The following CNTRL variants were observed in gnomAD, a reference collection of about 807,000 sequenced individuals.
CNTRL encodes the protein 110 kDa centrosomal protein.
Under a neutral mutation model 303.7 loss-of-function variants are expected in CNTRL, and 233 were observed. The observed-to-expected ratio is 0.77, with a 90% CI of 0.69 to 0.86. The LOEUF (loss-of-function observed/expected upper bound fraction) is 0.86. CNTRL is among the 40% of genes least tolerant of loss of function. The probability of loss-of-function intolerance (pLI) is 0.00; values close to 1 mark genes in which losing one functional copy is unlikely to be tolerated. For missense variants in CNTRL, 2,524 were observed against 2,650.6 expected (o/e 0.95, Z 1.05); for synonymous variants, 900 against 922.2 (o/e 0.98, Z 0.44).
intron 37 of CNTRL, 152 bp from the exon 38 acceptor site, chr9:121,167,944 C>G (rs1014455190): frequency 1.4e-6 from 1 of 727,952 alleles, no homozygotes; most frequent in Non-Finnish European, 2.2e-6. Flanking sequence ...GGCCAGATAG[C>G]TTCCCAAGCC....
chr9:121,111,005 G>C (rs1406043014), intron 8 of CNTRL: 1 of 152,110 alleles, frequency 6.6e-6, no homozygotes. Context: ...TGTATTCTCT[G>C]TGATTCCAGT....
At chr9:121,075,938 T>C (rs1351875039) in intron 1 of CNTRL, among the ~76,000 whole-genome samples, 1 of 152,202 alleles carries the variant, frequency 6.6e-6, no homozygotes, top group Non-Finnish European at 1.5e-5. Context: ...AGCTTTTAAC[T>C]GTTCAGGTAC....
chr9:121,112,111 G>A (rs749877690), intron 8 of CNTRL, among the ~76,000 whole-genome samples: 6 of 152,052 alleles, frequency 3.9e-5, no homozygotes, highest in Admixed American at 6.6e-5. Flanking sequence ...CTAATTATTG[G>A]AAAATCAGGA....
At chr9:121,173,190 CAAGT>C in intron 40 of CNTRL, 49 bp from the exon 41 acceptor site, 3 of 1,510,768 alleles carry the variant, frequency 2.0e-6, no homozygotes, top group Non-Finnish European at 2.7e-6. Context: ...AGCTCAATTC[CAAGT>C]AAGTCTGAAA....
intron 38 of CNTRL, among the ~76,000 whole-genome samples, chr9:121,168,674 A>G (rs950338509): frequency 1.3e-5 from 2 of 152,238 alleles, no homozygotes; most frequent in Non-Finnish European, 2.9e-5. Context: ...AAAAAATCAT[A>G]TTAACAGTTC....
At chr9:121,095,163 T>C in intron 5 of CNTRL, 145 bp downstream of exon 5, 1 of 630,990 alleles carries the variant, frequency 1.6e-6, no homozygotes, top group Non-Finnish European at 2.6e-6. Context: ...TGAATGTCTG[T>C]CTCTTCACAT....
Position 121,155,042 on chromosome 9 carries a change from G to A in CNTRL, c.4365+129G>A, listed in dbSNP as rs1317500155. The A allele has an allele frequency of 9.2e-6, 7 of 763,846 alleles. No homozygotes were observed. In the East Asian group the frequency reaches 1.8e-4, roughly 20 times the overall value. The allele number at this position is 763,846 out of a possible 1,614,324, so 47.3% of individuals were successfully genotyped here. A position where few individuals can be genotyped will look rare whatever the true frequency, so the allele number is the denominator to read the frequency against. On this transcript the variant is annotated intron_variant, in intron 27 of 43. Transcript: ENST00000373855. Reference sequence around the variant, plus strand: ...TCCAAGTCAGACAGCCAGGTTCCAGGCTGGACTCTGCTAGTTAAGAAGATG... The same window carrying A: ...TCCAAGTCAGACAGCCAGGTTCCAGACTGGACTCTGCTAGTTAAGAAGATG...
chr9:121,135,174 A>G lies in CNTRL; in HGVS notation c.2026-632A>G, dbSNP rs538084195. Among the ~76,000 whole-genome samples the G allele has an allele frequency of 2.6e-4, 39 of 152,202 alleles. 1 individual carries two copies. Among genetic ancestry groups the G allele is most frequent in the Non-Finnish European group, 3.1e-4 (21 of 68,032 alleles). ...ATGGTATGCTAATAAATATGTACTT[A>G]TATTCTTGTTAGCACTCATTTAAGG... is the stretch of plus-strand genomic sequence containing the variant. On this transcript the variant is annotated intron_variant, in intron 14 of 43. Transcript: ENST00000373855.
chr9:121,169,155 T>G (rs1243488335), intron 38 of CNTRL, among the ~76,000 whole-genome samples: 2 of 152,232 alleles, frequency 1.3e-5, no homozygotes, highest in African/African-American at 2.4e-5. Context: ...AGGAAATGTT[T>G]TCCTCTTCTA....
chr9:121,096,572 T>C lies in CNTRL; in HGVS notation c.621+9T>C. ...GCAACAAGATATCATCGGTAAGTTA[T>C]TCAAAATAGCAGGAATTTTTAGACT... On this transcript the variant is annotated intron_variant, in intron 6 of 43. Transcript: ENST00000373855. 7.0e-7 allele frequency: 1 copy of C among 1,421,460 alleles called. No homozygotes were observed. The highest frequency in any genetic ancestry group is 9.3e-7 in the Non-Finnish European group (1 of 1,074,768). 88.1% of individuals were successfully genotyped at this position (1,421,460 alleles called of 1,614,324 possible). A position where few individuals can be genotyped will look rare whatever the true frequency, so the allele number is the denominator to read the frequency against.
chr9:121,147,781 G>A (rs961533601), intron 23 of CNTRL, among the ~76,000 whole-genome samples: 1 of 152,180 alleles, frequency 6.6e-6, no homozygotes, highest in Non-Finnish European at 1.5e-5. Flanking sequence ...CCAGACCCCT[G>A]AAGAGCAGAA....
At chr9:121,130,060 A>G (rs2050764399) in intron 14 of CNTRL, among the ~76,000 whole-genome samples, 1 of 152,204 alleles carries the variant, frequency 6.6e-6, no homozygotes, top group African/African-American at 2.4e-5. Flanking sequence ...GGATTTTCAC[A>G]TCGATATTCA....
At chr9:121,167,725 T>A (rs776671646) in intron 37 of CNTRL, 48 bp downstream of exon 37, 1 of 1,518,548 alleles carries the variant, frequency 6.6e-7, no homozygotes, top group Non-Finnish European at 9.0e-7. Flanking sequence ...TTGTGGCTCA[T>A]GTGAGCCTAT....
At chr9:121,166,617 C>T (rs145879092) in intron 36 of CNTRL, among the ~76,000 whole-genome samples, 1 of 152,262 alleles carries the variant, frequency 6.6e-6, no homozygotes, top group Non-Finnish European at 1.5e-5. Context: ...AGATTTTTGA[C>T]CCTCATACTT....
intron 2 of CNTRL, among the ~76,000 whole-genome samples, chr9:121,081,637 G>A (rs1410062021): frequency 1.3e-5 from 2 of 152,180 alleles, no homozygotes; most frequent in Non-Finnish European, 2.9e-5. Context: ...TTATTATAAA[G>A]GATATTACAA....
Position 121,177,489 on chromosome 9 carries a change from A to C in CNTRL, c.*303A>C. 3.1e-6 allele frequency: 1 copy of C among 323,182 alleles called. No individual in the cohort carries two copies. Among genetic ancestry groups the C allele is most frequent in the Non-Finnish European group, 5.6e-6 (1 of 179,210 alleles). 20.0% of individuals were successfully genotyped at this position (323,182 alleles called of 1,614,324 possible). ...ATTTTAACTGCATATTTGAACCTAC[A>C]AACTGGTAAATCTTATTAACAAAAA... On this transcript the variant is annotated 3_prime_UTR_variant, in exon 44 of 44. Coordinates refer to ENST00000373855, the MANE Select transcript of CNTRL (RefSeq NM_007018.6).
chr9:121,174,970 T>C (rs1564311307), intron 42 of CNTRL, 48 bp from the exon 43 acceptor site: 1 of 1,543,092 alleles, frequency 6.5e-7, no homozygotes, highest in Non-Finnish European at 9.0e-7. Flanking sequence ...GCGGCAGTTC[T>C]GGTACATTTC....
At chr9:121,155,308 C>G (rs2052511710) in intron 27 of CNTRL, among the ~76,000 whole-genome samples, 1 of 152,084 alleles carries the variant, frequency 6.6e-6, no homozygotes, top group Non-Finnish European at 1.5e-5. Context: ...TCTTATTAAG[C>G]TACAATGGAC....
intron 1 of CNTRL, among the ~76,000 whole-genome samples, chr9:121,076,987 G>C (rs917581581): frequency 1.3e-5 from 2 of 152,222 alleles, no homozygotes; most frequent in East Asian, 3.9e-4. Flanking sequence ...TGCGTTATTT[G>C]GAGATCAGAG....
Sources: gnomAD v4.1 joint callset for allele counts (sites outside exome capture counted in the v4.1 genomes callset) on GRCh38, gnomAD v4.1.1 for gene constraint, MANE v1.5 for transcripts, NCBI Gene and HGNC (gene_info 2026-07-23, HGNC 2026-07-21) for gene names.